The following PTPRN2 variants were observed in gnomAD, a reference collection of about 807,000 sequenced individuals.
PTPRN2 encodes the protein receptor-type tyrosine-protein phosphatase N2.
PTPRN2 carries 74 observed loss-of-function variants against 118.8 expected under a neutral mutation model. That is an observed-to-expected ratio of 0.62 (90% CI 0.52 to 0.76). The LOEUF (loss-of-function observed/expected upper bound fraction) is 0.76. Among genes scored for constraint, PTPRN2 ranks in the 30% least tolerant of loss-of-function variants. The pLI is 0.00. For missense variants in PTPRN2, 1,481 were observed against 1,394.4 expected (o/e 1.06, Z -0.99); for synonymous variants, 641 against 608.0 (o/e 1.05, Z -0.80).
chr7:158,101,026 T>A (rs1443152020), intron 10 of PTPRN2, among the ~76,000 whole-genome samples: 1 of 152,100 alleles, frequency 6.6e-6, no homozygotes, highest in East Asian at 1.9e-4. Context: ...AAGACAATCC[T>A]AAAATTCATA....
chr7:158,358,893 T>C lies in PTPRN2; in HGVS notation c.164-41961A>G, dbSNP rs116238012. Among the ~76,000 whole-genome samples the C allele has an allele frequency of 1.2e-3, 182 of 152,362 alleles. 1 individual carries two copies. Among genetic ancestry groups the C allele is most frequent in the African/African-American group, 4.3e-3 (177 of 41,586 alleles). ...TACACAGCAGTGTGAATATCCTTTA[T>C]ACCACTGAACTATATCCCTAAATGG... On this transcript the variant is annotated intron_variant, in intron 2 of 22. Transcript: ENST00000389418.
At position 158,564,920 on chromosome 7, in the gene PTPRN2, G is replaced by A. The variant is rs138590968; in HGVS notation, c.112+22638C>T. Among the ~76,000 whole-genome samples, 221 of 152,272 alleles carry A rather than the reference G, an allele frequency of 1.5e-3. 2 individuals are homozygous for A. Among genetic ancestry groups the A allele is most frequent in the African/African-American group, 5.1e-3 (213 of 41,552 alleles). ...ATCTAAGGAGAAATGTGCAAGGCTC[G>A]TGCCTTCCCTGTGGTGTGTGCCTGC... On this transcript the variant is annotated intron_variant, in intron 1 of 22. Transcript: ENST00000389418.
At position 157,785,223 on chromosome 7, in the gene PTPRN2, C is replaced by T. The variant is rs1803953835; in HGVS notation, c.1789-102286G>A. On this transcript the variant is annotated intron_variant, in intron 12 of 22. Coordinates refer to ENST00000389418, the MANE Select transcript of PTPRN2 (RefSeq NM_002847.5). This position sits in a 1 kb window ranked among gnomAD's most constrained non-coding sequence, Gnocchi z 7.3. ...ACCCGGGCCCACGTGGGGACACGCC[C>T]CGCCCCACAGGCTTGCACCGGGGTG... is the stretch of plus-strand genomic sequence containing the variant. Among the ~76,000 whole-genome samples, 1 of 152,090 alleles carries T rather than the reference C, an allele frequency of 6.6e-6. No individual in the cohort carries two copies. The highest frequency in any genetic ancestry group is 1.5e-5 in the Non-Finnish European group (1 of 68,026).
At chr7:158,129,796 GCCTGTGATTCTCC>G in intron 9 of PTPRN2, among the ~76,000 whole-genome samples, 1 of 152,200 alleles carries the variant, frequency 6.6e-6, no homozygotes, top group East Asian at 1.9e-4. Flanking sequence ...CTTAGGGCCT[GCCTGTGATTCTCC>G]ACTGGGCTTG....
In PTPRN2 at chr7:157,764,539, G is replaced by A. The variant is rs1365935895; in HGVS notation, c.1789-81602C>T. Among the ~76,000 whole-genome samples, 2 of 152,150 alleles carry A rather than the reference G, an allele frequency of 1.3e-5. No individual in the cohort carries two copies. Among genetic ancestry groups the A allele is most frequent in the African/African-American group, 4.8e-5 (2 of 41,440 alleles). On this transcript the variant is annotated intron_variant, in intron 12 of 22. Coordinates refer to ENST00000389418, the MANE Select transcript of PTPRN2 (RefSeq NM_002847.5). The surrounding 1 kb of genome is among the most constrained non-coding windows in gnomAD (Gnocchi z 4.5). ...GGTCCTTAGAGTCATCAGATCCATA[G>A]AGACAGAATGTAGGACAGTGGGTCC...
At chr7:157,624,700 G>A (rs967858966) in intron 14 of PTPRN2, among the ~76,000 whole-genome samples, 2 of 152,168 alleles carry the variant, frequency 1.3e-5, no homozygotes, top group African/African-American at 4.8e-5. Context: ...TAAGTTGGGG[G>A]CCGTCTATAC....
intron 21 of PTPRN2, among the ~76,000 whole-genome samples, chr7:157,551,562 G>GCACCCCACAGCCATCACA (rs1472994892): frequency 3.0e-5 from 2 of 67,114 alleles, no homozygotes; most frequent in African/African-American, 1.2e-4. Flanking sequence ...CACACCCCAC[G>GCACCCCACAGCCATCACA]CACCCCACAG....
At chr7:157,700,266 A>G (rs1210746871) in intron 12 of PTPRN2, among the ~76,000 whole-genome samples, 1 of 152,216 alleles carries the variant, frequency 6.6e-6, no homozygotes, top group African/African-American at 2.4e-5. Context: ...TCCACCATTA[A>G]GAGTGCATTT....
Position 158,525,037 on chromosome 7 carries a change from G to A in PTPRN2, c.113-35252C>T, listed in dbSNP as rs939804440. Among the ~76,000 whole-genome samples the A allele has an allele frequency of 4.6e-5, 7 of 152,034 alleles. No homozygotes were observed. Among genetic ancestry groups the A allele is most frequent in the African/African-American group, 1.7e-4 (7 of 41,384 alleles). ...CCAGCAGCGGTCTCCTGCACCCTCCGAAAAGACAGCCCTTGGAAGACTGTG... is the reference window on the plus strand; with the variant it reads ...CCAGCAGCGGTCTCCTGCACCCTCCAAAAAGACAGCCCTTGGAAGACTGTG... On this transcript the variant is annotated intron_variant, in intron 1 of 22. Coordinates refer to ENST00000389418, the MANE Select transcript of PTPRN2 (RefSeq NM_002847.5). This position sits in a 1 kb window ranked among gnomAD's most constrained non-coding sequence, Gnocchi z 4.1.
intron 3 of PTPRN2, among the ~76,000 whole-genome samples, chr7:158,251,277 G>A (rs774763482): frequency 2.6e-5 from 4 of 152,218 alleles, no homozygotes; most frequent in Non-Finnish European, 2.9e-5. Flanking sequence ...TTGGTGAGCC[G>A]AGGAGAACCT....
Position 158,030,096 on chromosome 7 carries a change from T to A in PTPRN2, c.1723+51202A>T. 1.3e-5 allele frequency: 2 copies of A among 152,222 alleles called. 1 individual carries two copies. Among genetic ancestry groups the A allele is most frequent in the East Asian group, 3.8e-4 (2 of 5,196 alleles). The allele number at this position is 152,222 out of a possible 1,614,324, so 9.4% of individuals were successfully genotyped here. A position where few individuals can be genotyped will look rare whatever the true frequency, so the allele number is the denominator to read the frequency against. The stretch of plus-strand genomic sequence containing the variant: ...GCATTTTTCCTGGACAGAAGCAACA[T>A]CACCTGGGGTCCCAGTGGAAAGCAC... On this transcript the variant is annotated intron_variant, in intron 11 of 22. Coordinates refer to ENST00000389418, the MANE Select transcript of PTPRN2 (RefSeq NM_002847.5).
intron 21 of PTPRN2, among the ~76,000 whole-genome samples, chr7:157,552,649 A>G (rs897389991): frequency 1.3e-5 from 2 of 152,248 alleles, no homozygotes; most frequent in Non-Finnish European, 2.9e-5. Context: ...TGTGTAATTA[A>G]AAACGTAAGA....
chr7:158,490,574 C>T (rs952114185), intron 1 of PTPRN2, among the ~76,000 whole-genome samples: 1 of 152,248 alleles, frequency 6.6e-6, no homozygotes, highest in Non-Finnish European at 1.5e-5. Context: ...AGCACCACCC[C>T]GCTAGGGAGC....
intron 11 of PTPRN2, among the ~76,000 whole-genome samples, chr7:157,965,952 C>A (rs141253409): frequency 6.6e-6 from 1 of 152,186 alleles, no homozygotes; most frequent in East Asian, 1.9e-4. Flanking sequence ...TGACCAGCAC[C>A]GTGGAATCAG....
chr7:157,559,894 C>T (rs1799094035), intron 21 of PTPRN2, among the ~76,000 whole-genome samples: 1 of 152,168 alleles, frequency 6.6e-6, no homozygotes, highest in South Asian at 2.1e-4. Context: ...TGCCAGCTCC[C>T]TCGCTGTGGC....
chr7:157,704,547 T>C (rs1422723320), intron 12 of PTPRN2, among the ~76,000 whole-genome samples: 1 of 152,204 alleles, frequency 6.6e-6, no homozygotes, highest in East Asian at 1.9e-4. Flanking sequence ...GGGCCCGCCC[T>C]GCCCCATGCT....
At chr7:158,211,578 A>G (rs1827604704) in intron 3 of PTPRN2, among the ~76,000 whole-genome samples, 1 of 152,244 alleles carries the variant, frequency 6.6e-6, no homozygotes, top group Non-Finnish European at 1.5e-5. Context: ...ACATTTCTCA[A>G]AAAAGACATT....
At chr7:157,741,550 G>A (rs931694121) in intron 12 of PTPRN2, among the ~76,000 whole-genome samples, 16 of 152,136 alleles carry the variant, frequency 1.1e-4, no homozygotes, top group Non-Finnish European at 2.1e-4. Context: ...AACCCTCCCC[G>A]GAGACGCTCT....
intron 2 of PTPRN2, among the ~76,000 whole-genome samples, chr7:158,321,112 C>T (rs528412693): frequency 7.2e-5 from 11 of 151,760 alleles, no homozygotes; most frequent in Non-Finnish European, 1.0e-4. Context: ...GGAGTCGGGA[C>T]GCCAGGGGTG....
Sources: gnomAD v4.1 joint callset for allele counts (sites outside exome capture counted in the v4.1 genomes callset) on GRCh38, gnomAD v4.1.1 for gene constraint, Gnocchi (gnomAD v3.1) non-coding constraint, MANE v1.5 for transcripts, NCBI Gene and HGNC (gene_info 2026-07-23, HGNC 2026-07-21) for gene names.